The following LAMA3 variants were observed in gnomAD, a reference collection of about 807,000 sequenced individuals.
The protein encoded by LAMA3 is laminin subunit alpha 3.
A neutral mutation model predicts 402.0 loss-of-function variants in LAMA3; 281 were observed. The observed-to-expected ratio is 0.70, with a 90% CI of 0.63 to 0.77. The LOEUF is 0.77. LAMA3 is among the 30% of genes least tolerant of loss of function. The pLI is 0.00. For missense variants in LAMA3, 3,840 were observed against 4,215.5 expected, an observed-to-expected ratio of 0.91 and a Z score of 2.47; for synonymous variants, 1,431 against 1,558.4, an observed-to-expected ratio of 0.92 and a Z score of 1.93.
intron 2 of LAMA3, among the ~76,000 whole-genome samples, chr18:23,738,150 G>T (rs994236442): frequency 1.3e-5 from 2 of 152,084 alleles, no homozygotes; most frequent in African/African-American, 4.8e-5. Flanking sequence ...GAGCAGAGGG[G>T]AGTGAGTCCC....
chr18:23,860,815 T>A (rs1170960005), intron 34 of LAMA3, among the ~76,000 whole-genome samples: 1 of 151,214 alleles, frequency 6.6e-6, no homozygotes, highest in Non-Finnish European at 1.5e-5. Context: ...TGCCTCAGGC[T>A]CCTGAGTAGC....
chr18:23,867,190 C>T (rs1178884278), intron 36 of LAMA3, among the ~76,000 whole-genome samples: 1 of 152,164 alleles, frequency 6.6e-6, no homozygotes, highest in Non-Finnish European at 1.5e-5. Context: ...CACTTTCTTC[C>T]CACCGCAGGC....
At chr18:23,706,232 G>A (rs1306936332) in intron 1 of LAMA3, among the ~76,000 whole-genome samples, 1 of 152,112 alleles carries the variant, frequency 6.6e-6, no homozygotes, top group Admixed American at 6.6e-5. Flanking sequence ...CTGTGGCTGG[G>A]CAATTAGGTT....
At chr18:23,930,729 A>C (rs921711335) in intron 64 of LAMA3, among the ~76,000 whole-genome samples, 2 of 152,166 alleles carry the variant, frequency 1.3e-5, no homozygotes. Flanking sequence ...GTCTCAAATA[A>C]TAATAATAAT....
chr18:23,715,412 A>G (rs568325654), intron 2 of LAMA3, among the ~76,000 whole-genome samples: 4 of 152,318 alleles, frequency 2.6e-5, no homozygotes, highest in African/African-American at 7.2e-5. Context: ...GCAAATGACC[A>G]TTGGATTTGC....
rs1057516764 is a variant in LAMA3, at chr18:23,928,765, G to T, written c.8436G>T (p.Trp2812Cys). 1.9e-6 allele frequency: 3 copies of T among 1,613,060 alleles called. No homozygotes were observed. Among genetic ancestry groups the T allele is most frequent in the African/African-American group, 1.3e-5 (1 of 74,884 alleles). The change falls in exon 64 of 75, where the codon TGG becomes TGT. Residue 2812 changes from tryptophan to cysteine, a missense_variant and splice_region_variant. By Grantham distance (215) the Trp-to-Cys change is radical (BLOSUM62 -2). This residue lies in a region of LAMA3 where 840 missense variants were observed against 981.9 expected (regional missense o/e 0.86). Coordinates refer to ENST00000313654, the MANE Select transcript of LAMA3 (RefSeq NM_198129.4). ...GCATATTATTAGATCATCAGACATG[G>T]GTATGCAGTAGTGCATTAATATCAA... is the stretch of plus-strand genomic sequence containing the variant. Reference protein sequence around the residue: ...PSGILLDHQTWTRNLQVTLED... With the variant: ...PSGILLDHQTCTRNLQVTLED...
At chr18:23,858,039 T>G in intron 33 of LAMA3, 51 bp downstream of exon 33, 3 of 1,608,792 alleles carry the variant, frequency 1.9e-6, no homozygotes, top group Non-Finnish European at 2.6e-6. Context: ...AGCAGGAAAG[T>G]GCTTCATGTT....
intron 41 of LAMA3, among the ~76,000 whole-genome samples, chr18:23,887,461 C>T (rs1039425086): frequency 3.3e-5 from 5 of 152,090 alleles, no homozygotes; most frequent in Non-Finnish European, 7.4e-5. Context: ...ATTTGGCAGG[C>T]AAAATTTTTA....
At chr18:23,792,822 G>C (rs2062686002) in intron 12 of LAMA3, among the ~76,000 whole-genome samples, 1 of 152,192 alleles carries the variant, frequency 6.6e-6, no homozygotes, top group South Asian at 2.1e-4. Context: ...GAGTGTCTTG[G>C]TTCCTGCCCG....
At chr18:23,713,289 G>A (rs565566409) in intron 1 of LAMA3, among the ~76,000 whole-genome samples, 1 of 152,268 alleles carries the variant, frequency 6.6e-6, no homozygotes, top group African/African-American at 2.4e-5. Context: ...GCCCTTGCTC[G>A]TGCTGGTTCC....
intron 6 of LAMA3, among the ~76,000 whole-genome samples, chr18:23,755,687 C>A (rs960904016): frequency 6.6e-6 from 1 of 152,084 alleles, no homozygotes; most frequent in African/African-American, 2.4e-5. Flanking sequence ...TAGCAGCCAA[C>A]TCAAAAAGGG....
rs777874539 is a variant in LAMA3, at chr18:23,931,121, C to T, written c.8496C>T (p.Ser2832=). The T allele has an allele frequency of 2.5e-5, 41 of 1,612,740 alleles. No homozygotes were observed. In the African/African-American group the frequency reaches 2.7e-4, roughly 11 times the overall value. The part of the protein sequence containing the change: ...DGYIELSTSD[S]GGPIFKSPQT... ...ACATTGAATTGAGCACCAGCGATAG[C>T]GGCGGCCCAATTTTTAAATCTCCAC... is the stretch of plus-strand genomic sequence containing the variant. The change falls in exon 65 of 75, where the codon AGC becomes AGT. Residue 2832 remains serine (S), a synonymous_variant. Transcript: ENST00000313654.
intron 74 of LAMA3, among the ~76,000 whole-genome samples, chr18:23,954,195 A>G (rs2083028478): frequency 6.6e-6 from 1 of 152,074 alleles, no homozygotes; most frequent in African/African-American, 2.4e-5. Context: ...TGAGGCCAGG[A>G]GTTCAAGACC....
At chr18:23,814,192 G>A (rs1056482172) in intron 14 of LAMA3, among the ~76,000 whole-genome samples, 1 of 152,094 alleles carries the variant, frequency 6.6e-6, no homozygotes, top group African/African-American at 2.4e-5. Context: ...AACCACAAAT[G>A]CGGATTACAT....
At chr18:23,882,372 G>C (rs1418273467) in intron 40 of LAMA3, among the ~76,000 whole-genome samples, 1 of 152,170 alleles carries the variant, frequency 6.6e-6, no homozygotes, top group Non-Finnish European at 1.5e-5. Flanking sequence ...GCTCATGCCT[G>C]TAATCCTAGC....
chr18:23,770,808 C>T (rs1426036228), intron 8 of LAMA3, among the ~76,000 whole-genome samples: 1 of 152,064 alleles, frequency 6.6e-6, no homozygotes, highest in Non-Finnish European at 1.5e-5. Context: ...CATTATTAGT[C>T]ATCAGAGAAA....
At chr18:23,912,140 T>TG (rs1295828928) in intron 55 of LAMA3, among the ~76,000 whole-genome samples, 2 of 22,776 alleles carry the variant, frequency 8.8e-5, no homozygotes, top group Non-Finnish European at 2.3e-3. Flanking sequence ...ATATATATAG[T>TG]TTTTTTTTTT....
chr18:23,762,250 G>C (rs986052975), intron 7 of LAMA3, among the ~76,000 whole-genome samples: 2 of 152,028 alleles, frequency 1.3e-5, no homozygotes, highest in Non-Finnish European at 2.9e-5. Context: ...TATTCAAGTT[G>C]TTGACCTAAA....
chr18:23,819,177 C>CTT lies in LAMA3; in HGVS notation c.2148-652_2148-651dup, dbSNP rs11480167. Among the ~76,000 whole-genome samples the CTT allele has an allele frequency of 2.1e-3, 305 of 146,064 alleles. 4 individuals carry two copies. Among genetic ancestry groups the CTT allele is most frequent in the South Asian group, 0.018 (86 of 4,650 alleles). On this transcript the variant is annotated intron_variant, in intron 18 of 74. Transcript: ENST00000313654. ...GCTTGTGACTGGATTGGCGAAGTGT[C>CTT]TTTTTTTTTTTTTGAGAACTTTAAG...
Sources: gnomAD v4.1 joint callset for allele counts (sites outside exome capture counted in the v4.1 genomes callset) on GRCh38, gnomAD v4.1.1 for gene constraint, gnomAD v4.1.1 regional missense constraint, MANE v1.5 for transcripts, NCBI Gene and HGNC (gene_info 2026-07-23, HGNC 2026-07-21) for gene names.